Variants in STX8 observed in about 807,000 individuals in gnomAD.
STX8 encodes syntaxin-8.
Under a neutral mutation model 37.5 loss-of-function variants are expected in STX8, and 23 were observed. The observed-to-expected ratio is 0.61, with a 90% CI of 0.44 to 0.87. The LOEUF (loss-of-function observed/expected upper bound fraction) is 0.87. Ranked by LOEUF, STX8 falls within the 40% of genes least tolerant of loss-of-function variation. STX8 has a pLI of 0.00. For synonymous variants in STX8, 115 were observed against 99.1 expected (o/e 1.16, Z -0.95); for missense variants, 313 against 284.7 (o/e 1.10, Z -0.71).
At chr17:9,337,754 A>C (rs1567789378) in intron 7 of STX8, among the ~76,000 whole-genome samples, 1 of 152,194 alleles carries the variant, frequency 6.6e-6, no homozygotes, top group Non-Finnish European at 1.5e-5. Flanking sequence ...GAAGGACTGA[A>C]AAGTTAGTGA....
intron 6 of STX8, among the ~76,000 whole-genome samples, chr17:9,437,250 T>C (rs1171303957): frequency 6.6e-6 from 1 of 152,218 alleles, no homozygotes; most frequent in Non-Finnish European, 1.5e-5. Flanking sequence ...CAACATTGAT[T>C]GGCTTGCTCA....
At chr17:9,437,970 G>A (rs9910593) in intron 6 of STX8, 50,061 of 151,990 alleles carry the variant, frequency 0.33, 9,503 homozygotes, top group African/African-American at 0.52. Flanking sequence ...TTCTCGCTGG[G>A]TGCGGTGGGC....
intron 4 of STX8, among the ~76,000 whole-genome samples, chr17:9,536,621 C>T (rs530562070): frequency 6.6e-6 from 1 of 152,272 alleles, no homozygotes; most frequent in South Asian, 2.1e-4. Flanking sequence ...AAACAACCTT[C>T]CCTTCTGGTG....
At chr17:9,490,692 C>A (rs1453145564) in intron 6 of STX8, among the ~76,000 whole-genome samples, 1 of 152,170 alleles carries the variant, frequency 6.6e-6, no homozygotes, top group East Asian at 1.9e-4. Flanking sequence ...GCCATTCCAT[C>A]GTGTTATTAC....
intron 7 of STX8, among the ~76,000 whole-genome samples, chr17:9,297,011 A>G (rs984106248): frequency 2.6e-5 from 4 of 152,198 alleles, no homozygotes; most frequent in Non-Finnish European, 5.9e-5. Flanking sequence ...TAGTTGCCTT[A>G]TCTTGTAAAT....
intron 7 of STX8, among the ~76,000 whole-genome samples, chr17:9,292,328 TG>T (rs1235728434): frequency 1.3e-5 from 2 of 152,216 alleles, no homozygotes; most frequent in East Asian, 3.8e-4. Context: ...TTCACTGGCG[TG>T]GGAGACCTGC....
chr17:9,356,983 T>TTTTTA (rs1567796149), intron 7 of STX8, among the ~76,000 whole-genome samples: 2 of 148,574 alleles, frequency 1.3e-5, no homozygotes, highest in African/African-American at 5.0e-5. Context: ...TTTTTTTTTT[T>TTTTTA]TTTAGGCAAA....
intron 7 of STX8, among the ~76,000 whole-genome samples, chr17:9,371,410 G>C (rs1846454404): frequency 6.6e-6 from 1 of 152,136 alleles, no homozygotes; most frequent in Non-Finnish European, 1.5e-5. Context: ...TATAGTTAAA[G>C]TACACCTTGC....
intron 3 of STX8, among the ~76,000 whole-genome samples, chr17:9,547,973 T>C (rs9898106): frequency 0.019 from 2,819 of 151,906 alleles, 79 homozygotes; most frequent in African/African-American, 0.064. Flanking sequence ...GTGGGTTTTT[T>C]TGAGAGACAG....
intron 7 of STX8, among the ~76,000 whole-genome samples, chr17:9,256,398 C>T (rs1480826956): frequency 6.6e-6 from 1 of 152,114 alleles, no homozygotes; most frequent in African/African-American, 2.4e-5. Flanking sequence ...CTTTCTCCCT[C>T]CCTCCTTCCC....
chr17:9,306,483 C>A (rs189831174), intron 7 of STX8, among the ~76,000 whole-genome samples: 5 of 151,834 alleles, frequency 3.3e-5, no homozygotes, highest in African/African-American at 4.8e-5. Context: ...GGTACGGTAT[C>A]TCACACCTGT....
intron 4 of STX8, among the ~76,000 whole-genome samples, chr17:9,534,522 G>A (rs1176729164): frequency 1.3e-5 from 2 of 152,188 alleles, no homozygotes; most frequent in Non-Finnish European, 2.9e-5. Flanking sequence ...CAGGCGTGGT[G>A]GCTCACACCT....
At chr17:9,300,454 A>G (rs1222484295) in intron 7 of STX8, among the ~76,000 whole-genome samples, 1 of 151,226 alleles carries the variant, frequency 6.6e-6, no homozygotes, top group East Asian at 1.9e-4. Flanking sequence ...TCCCCCTTTT[A>G]TTTTGCTTCA....
At chr17:9,421,187 G>A (rs989272543) in intron 6 of STX8, among the ~76,000 whole-genome samples, 3 of 151,962 alleles carry the variant, frequency 2.0e-5, no homozygotes, top group South Asian at 2.1e-4. Flanking sequence ...GAGGTCGGGT[G>A]TTTGAGACCA....
At chr17:9,496,644 G>A (rs1904416343) in intron 5 of STX8, among the ~76,000 whole-genome samples, 1 of 152,170 alleles carries the variant, frequency 6.6e-6, no homozygotes, top group Non-Finnish European at 1.5e-5. Context: ...TGGCAAAAGG[G>A]ACTTTGCAGA....
chr17:9,522,698 C>T (rs1002559214), intron 4 of STX8, among the ~76,000 whole-genome samples: 1 of 151,076 alleles, frequency 6.6e-6, no homozygotes, highest in Admixed American at 6.6e-5. Flanking sequence ...GGCGAAAGAG[C>T]GAGACTCCAT....
chr17:9,345,944 T>C (rs1311957064), intron 7 of STX8, among the ~76,000 whole-genome samples: 1 of 136,280 alleles, frequency 7.3e-6, no homozygotes, highest in African/African-American at 2.7e-5. Context: ...CTCCGCGTCC[T>C]GGGTTCAAGT....
intron 7 of STX8, among the ~76,000 whole-genome samples, chr17:9,346,752 C>A (rs1352447926): frequency 6.6e-6 from 1 of 152,218 alleles, no homozygotes; most frequent in East Asian, 1.9e-4. Flanking sequence ...GGGGTGGCTA[C>A]ACTGAATCTG....
intron 7 of STX8, among the ~76,000 whole-genome samples, chr17:9,339,799 T>C (rs1256884986): frequency 6.6e-6 from 1 of 152,178 alleles, no homozygotes; most frequent in Non-Finnish European, 1.5e-5. Context: ...GGAATCAAAC[T>C]TTCCCACAGA....
Sources: allele counts gnomAD v4.1 joint callset (sites outside exome capture counted in the v4.1 genomes callset), GRCh38; gene constraint gnomAD v4.1.1; transcripts MANE v1.5; gene names NCBI Gene and HGNC (gene_info 2026-07-23, HGNC 2026-07-21).